Variants in CDK6 observed in about 807,000 individuals in gnomAD.
CDK6 encodes cyclin-dependent kinase 6.
A neutral mutation model predicts 37.1 loss-of-function variants in CDK6; 6 were observed. The ratio of observed to expected loss-of-function variants is 0.16; its 90% confidence interval spans 0.09 to 0.32. The LOEUF is 0.32. CDK6 is among the 10% of genes least tolerant of loss of function. CDK6 has a pLI of 1.00. For missense variants in CDK6, 224 were observed against 418.9 expected (o/e 0.53, Z 4.06); for synonymous variants, 160 against 161.3 (o/e 0.99, Z 0.06).
intron 2 of CDK6, among the ~76,000 whole-genome samples, chr7:92,817,443 T>C (rs535736153): frequency 6.6e-6 from 1 of 151,840 alleles, no homozygotes; most frequent in African/African-American, 2.4e-5. Flanking sequence ...CTGACAAAAT[T>C]CAGTACCCAA....
chr7:92,617,274 C>T (rs1054650795), intron 7 of CDK6, among the ~76,000 whole-genome samples: 4 of 152,128 alleles, frequency 2.6e-5, no homozygotes, highest in African/African-American at 9.7e-5. Flanking sequence ...TCTGCTTGCC[C>T]TTCTGGAGCA....
At chr7:92,626,016 T>G (rs1795920569) in intron 5 of CDK6, among the ~76,000 whole-genome samples, 1 of 152,062 alleles carries the variant, frequency 6.6e-6, no homozygotes, top group South Asian at 2.1e-4. Flanking sequence ...TCTATTATTT[T>G]ATACTCATTA....
intron 4 of CDK6, among the ~76,000 whole-genome samples, chr7:92,693,963 A>G (rs1797653092): frequency 6.6e-6 from 1 of 152,228 alleles, no homozygotes; most frequent in South Asian, 2.1e-4. Context: ...TGCTCAGTGT[A>G]CAAAACGTCT....
chr7:92,723,976 T>G (rs1798447125), intron 4 of CDK6, among the ~76,000 whole-genome samples: 1 of 151,650 alleles, frequency 6.6e-6, no homozygotes, highest in Admixed American at 6.6e-5. Flanking sequence ...TGGTTATTAG[T>G]GCCCATTTGG....
intron 2 of CDK6, among the ~76,000 whole-genome samples, chr7:92,815,061 C>A (rs1222379181): frequency 6.6e-6 from 1 of 152,172 alleles, no homozygotes; most frequent in African/African-American, 2.4e-5. Flanking sequence ...TACGAGTCAA[C>A]AGGTGCAATG....
At chr7:92,710,840 A>G in intron 4 of CDK6, 1 of 985,410 alleles carries the variant, frequency 1.0e-6, no homozygotes, top group Non-Finnish European at 1.2e-6. Flanking sequence ...TGACTTGGAC[A>G]CCTCTGCACG....
intron 3 of CDK6, among the ~76,000 whole-genome samples, chr7:92,762,907 T>A (rs1799493762): frequency 6.6e-6 from 1 of 152,220 alleles, no homozygotes; most frequent in African/African-American, 2.4e-5. Context: ...ATTTCCAGAT[T>A]GATCTAAATC....
intron 3 of CDK6, among the ~76,000 whole-genome samples, chr7:92,733,807 G>C (rs1487849320): frequency 6.6e-6 from 1 of 151,734 alleles, no homozygotes; most frequent in African/African-American, 2.4e-5. Flanking sequence ...ACATCTGCAG[G>C]GAAAGTTTTC....
intron 2 of CDK6, among the ~76,000 whole-genome samples, chr7:92,781,746 C>T (rs964829655): frequency 6.6e-5 from 10 of 152,140 alleles, no homozygotes; most frequent in African/African-American, 2.4e-4. Flanking sequence ...AGATGTCTGG[C>T]ACAGCTACCT....
In CDK6 at chr7:92,606,266, T is replaced by G. The variant is rs896607244; in HGVS notation, c.*8874A>C. The G allele has an allele frequency of 2.6e-5, 6 of 233,374 alleles. No homozygotes were observed. Among genetic ancestry groups the G allele is most frequent in the Non-Finnish European group, 5.1e-5 (6 of 117,930 alleles). 14.5% of individuals were successfully genotyped at this position (233,374 alleles called of 1,614,324 possible). Reference sequence around the variant, plus strand: ...CAATGACTTGGTTTAAAAATCAAGATGCATACAAAGATGCTAGAGGCATTT... The same window carrying G: ...CAATGACTTGGTTTAAAAATCAAGAGGCATACAAAGATGCTAGAGGCATTT... On this transcript the variant is annotated 3_prime_UTR_variant, in exon 8 of 8. Coordinates refer to ENST00000424848, the MANE Select transcript of CDK6 (RefSeq NM_001145306.2).
rs1298310854 is a variant in CDK6 at position 92,614,907 on chromosome 7, A to G, written c.*233T>C. ...CTTCTGGAATTTTTCCAGGTTCTTGAAACAAACAGACAAACAAACAAACAA... is the reference window on the plus strand; with the variant it reads ...CTTCTGGAATTTTTCCAGGTTCTTGGAACAAACAGACAAACAAACAAACAA... On this transcript the variant is annotated 3_prime_UTR_variant, in exon 8 of 8. Transcript: ENST00000424848. 2 of 442,398 alleles carry G rather than the reference A, an allele frequency of 4.5e-6. No homozygotes were observed. Among genetic ancestry groups the G allele is most frequent in the Admixed American group, 7.3e-5 (2 of 27,236 alleles). The allele number at this position is 442,398 out of a possible 1,614,324, so 27.4% of individuals were successfully genotyped here. A position where few individuals can be genotyped will look rare whatever the true frequency, so the allele number is the denominator to read the frequency against.
chr7:92,725,055 A>G, intron 4 of CDK6: 1 of 985,372 alleles, frequency 1.0e-6, no homozygotes, highest in Non-Finnish European at 1.2e-6. Context: ...TTTTTTGCCA[A>G]AACAGGGCCG....
At chr7:92,645,529 T>A (rs1422648372) in intron 5 of CDK6, among the ~76,000 whole-genome samples, 1 of 152,206 alleles carries the variant, frequency 6.6e-6, no homozygotes, top group African/African-American at 2.4e-5. Flanking sequence ...AATCCAGAAG[T>A]GTGCTCCTGC....
chr7:92,755,040 A>G (rs1356372358), intron 3 of CDK6, among the ~76,000 whole-genome samples: 1 of 152,134 alleles, frequency 6.6e-6, no homozygotes, highest in Non-Finnish European at 1.5e-5. Context: ...CCCCCAAAGG[A>G]CAAAACCTGC....
chr7:92,711,989 C>T lies in CDK6; in HGVS notation c.537+13637G>A, dbSNP rs1178628288. On this transcript the variant is annotated intron_variant, in intron 4 of 7. Transcript: ENST00000424848. ...AGATCACGAGGTCAGGAGATCGAGA[C>T]CATCTTGGCTAACACGGTGAACCCT... 2.0e-5 allele frequency among the ~76,000 whole-genome samples: 3 copies of T among 151,940 alleles called. No homozygotes were observed. The East Asian group carries it at 5.8e-4, about 29-fold the overall frequency.
chr7:92,770,564 T>A (rs1799688070), intron 3 of CDK6, among the ~76,000 whole-genome samples: 1 of 152,176 alleles, frequency 6.6e-6, no homozygotes, highest in Admixed American at 6.5e-5. Context: ...AATGTCTTTT[T>A]TATTTTTCGA....
intron 2 of CDK6, among the ~76,000 whole-genome samples, chr7:92,814,000 C>A (rs1800956670): frequency 6.6e-6 from 1 of 152,212 alleles, no homozygotes; most frequent in South Asian, 2.1e-4. Flanking sequence ...GATTCATTTG[C>A]ATGCAGAATT....
intron 3 of CDK6, among the ~76,000 whole-genome samples, chr7:92,728,845 G>T (rs1484590815): frequency 6.6e-6 from 1 of 151,966 alleles, no homozygotes; most frequent in African/African-American, 2.4e-5. Context: ...AATGAACACT[G>T]AGTTAACGAC....
intron 4 of CDK6, among the ~76,000 whole-genome samples, chr7:92,686,580 G>A (rs1413295297): frequency 6.6e-6 from 1 of 152,084 alleles, no homozygotes; most frequent in African/African-American, 2.4e-5. Flanking sequence ...TGTGAACTGT[G>A]CTGCTATAAC....
Sources: gnomAD v4.1 joint callset for allele counts (sites outside exome capture counted in the v4.1 genomes callset) on GRCh38, gnomAD v4.1.1 for gene constraint, MANE v1.5 for transcripts, NCBI Gene and HGNC (gene_info 2026-07-23, HGNC 2026-07-21) for gene names.